BEAN1: variants seen among roughly 807,000 people sequenced by gnomAD.
BEAN1 encodes protein BEAN1.
A neutral mutation model predicts 17.7 loss-of-function variants in BEAN1; 17 were observed. The ratio of observed to expected loss-of-function variants is 0.96; its 90% CI spans 0.66 to 1.44. The LOEUF (loss-of-function observed/expected upper bound fraction) is 1.44, where lower values mean the gene tolerates loss of function less well. Among genes scored for constraint, BEAN1 ranks in the 40% most tolerant of loss-of-function variants. BEAN1 has a pLI of 0.00. For synonymous variants in BEAN1, 142 were observed against 151.8 expected (o/e 0.94, Z 0.47); for missense variants, 359 against 374.1 (o/e 0.96, Z 0.33).
intron 1 of BEAN1, among the ~76,000 whole-genome samples, chr16:66,436,815 A>G (rs1038568589): frequency 6.6e-6 from 1 of 152,180 alleles, no homozygotes; most frequent in African/African-American, 2.4e-5. Context: ...TCACTGCTCT[A>G]GACATCCACT....
intron 4 of BEAN1, among the ~76,000 whole-genome samples, chr16:66,492,187 G>A (rs1297003838): frequency 6.6e-6 from 1 of 151,852 alleles, no homozygotes; most frequent in African/African-American, 2.4e-5. Flanking sequence ...GATTACAGGT[G>A]TCCACCAACA....
chr16:66,450,704 G>A (rs1962640150), intron 2 of BEAN1, among the ~76,000 whole-genome samples: 1 of 152,072 alleles, frequency 6.6e-6, no homozygotes, highest in Non-Finnish European at 1.5e-5. Context: ...CAGCCTGGGT[G>A]ACAGAGCAAG....
intron 4 of BEAN1, among the ~76,000 whole-genome samples, chr16:66,488,134 T>A (rs576982012): frequency 1.9e-4 from 29 of 151,782 alleles, no homozygotes; most frequent in African/African-American, 6.5e-4. Flanking sequence ...GCATGACAGG[T>A]TCCCCATGAG....
chr16:66,493,136 G>T (rs865856531), exon 5 of BEAN1: 2 of 702,870 alleles, frequency 2.8e-6, no homozygotes, highest in African/African-American at 3.5e-5. Flanking sequence ...CCTGGTGAGG[G>T]TCTCATGTGA....
At position 66,471,098 on chromosome 16, in the gene BEAN1, T is replaced by A. The variant is rs1035839493; in HGVS notation, c.289+1233T>A. ...TTGGGGAAAAGAAAGATAGGAAAAA[T>A]TTTTAAAATAGATTGAATTGGATCC... On this transcript the variant is annotated intron_variant, in intron 3 of 4. Coordinates refer to ENST00000536005, the MANE Select transcript of BEAN1 (RefSeq NM_001178020.3). The surrounding 1 kb of genome is among the most constrained non-coding windows in gnomAD (Gnocchi z 4.7). Among the ~76,000 whole-genome samples the A allele has an allele frequency of 6.6e-6, 1 of 152,112 alleles. No individual in the cohort carries two copies. The highest frequency in any genetic ancestry group is 2.1e-4 in the South Asian group (1 of 4,828).
downstream of BEAN1, among the ~76,000 whole-genome samples, chr16:66,494,125 A>G (rs950673681): frequency 5.3e-5 from 8 of 152,228 alleles, no homozygotes; most frequent in African/African-American, 1.9e-4. Context: ...TCGCTAGTAC[A>G]GGGCAGGCAC....
At position 66,437,617 on chromosome 16, in the gene BEAN1, C is replaced by A. The variant is rs1030179985; in HGVS notation, c.-60C>A. 4 of 1,513,290 alleles carry A rather than the reference C, an allele frequency of 2.6e-6. No individual in the cohort carries two copies. Among genetic ancestry groups the A allele is most frequent in the Admixed American group, 2.0e-5 (1 of 50,766 alleles). The allele number at this position is 1,513,290 out of a possible 1,614,324, so 93.7% of individuals were successfully genotyped here. ...CAGGTGAGTGGAGGGGCCTTCCCTG[C>A]GAGAAGTCAGAGCTGTGCCCGTGGG... On this transcript the variant is annotated 5_prime_UTR_variant, in exon 2 of 5. Coordinates refer to ENST00000536005, the MANE Select transcript of BEAN1 (RefSeq NM_001178020.3).
chr16:66,487,813 C>T (rs1964109653), downstream of BEAN1, among the ~76,000 whole-genome samples: 1 of 152,188 alleles, frequency 6.6e-6, no homozygotes, highest in African/African-American at 2.4e-5. Flanking sequence ...GCCAAAGCAG[C>T]CCCTGCAGAT....
chr16:66,486,648 C>T (rs1393193140), downstream of BEAN1, among the ~76,000 whole-genome samples: 1 of 152,182 alleles, frequency 6.6e-6, no homozygotes, highest in Non-Finnish European at 1.5e-5. Context: ...GCCTGCCACT[C>T]TGTGGAGGGT....
intron 2 of BEAN1, among the ~76,000 whole-genome samples, chr16:66,448,883 G>A (rs1409898010): frequency 2.0e-5 from 3 of 152,050 alleles, no homozygotes; most frequent in East Asian, 1.9e-4. Context: ...GTGGCTCACT[G>A]CCTGTAATCC....
chr16:66,443,436 C>A (rs1315181237), intron 2 of BEAN1, among the ~76,000 whole-genome samples: 3 of 152,160 alleles, frequency 2.0e-5, no homozygotes. Context: ...GGGCTACGCC[C>A]CAAGTGAGTT....
At chr16:66,491,573 C>T (rs551044357) in intron 4 of BEAN1, among the ~76,000 whole-genome samples, 44 of 152,156 alleles carry the variant, frequency 2.9e-4, no homozygotes, top group Admixed American at 5.9e-4. Context: ...CTCCTAACCA[C>T]GAGACCAGCG....
chr16:66,443,589 C>T (rs1016040173), intron 2 of BEAN1, among the ~76,000 whole-genome samples: 1 of 152,218 alleles, frequency 6.6e-6, no homozygotes, highest in Admixed American at 6.5e-5. Context: ...AGCTGCCCCT[C>T]CTCACAGTTC....
intron 1 of BEAN1, among the ~76,000 whole-genome samples, chr16:66,429,392 C>G (rs1367072811): frequency 6.6e-6 from 1 of 152,104 alleles, no homozygotes; most frequent in African/African-American, 2.4e-5. Flanking sequence ...GACCTTAGAC[C>G]CAGAGCAGAG....
intron 2 of BEAN1, among the ~76,000 whole-genome samples, chr16:66,443,562 T>C (rs1370147972): frequency 1.3e-5 from 2 of 152,218 alleles, no homozygotes; most frequent in Non-Finnish European, 2.9e-5. Context: ...CAGGACTTCA[T>C]GGCCCCTGAA....
At chr16:66,477,767 C>G in intron 4 of BEAN1, 57 bp downstream of exon 4, 2 of 1,428,120 alleles carry the variant, frequency 1.4e-6, no homozygotes, top group South Asian at 2.9e-5. Context: ...GACACAAAGA[C>G]CCCCCAACTC....
intron 2 of BEAN1, among the ~76,000 whole-genome samples, chr16:66,448,999 G>C (rs908938971): frequency 5.3e-5 from 8 of 152,128 alleles, no homozygotes; most frequent in Non-Finnish European, 8.8e-5. Flanking sequence ...AACAGAGTGA[G>C]ACCCTGTCTC....
chr16:66,431,681 T>G (rs1961808671), intron 1 of BEAN1, among the ~76,000 whole-genome samples: 1 of 152,146 alleles, frequency 6.6e-6, no homozygotes, highest in Non-Finnish European at 1.5e-5. Flanking sequence ...TGTGTGTGTG[T>G]TTTAAAAAAT....
rs78858578 is a variant in BEAN1 at position 66,434,602 on chromosome 16, G to A, written c.-82-2993G>A. Among the ~76,000 whole-genome samples, 33 of 152,306 alleles carry A rather than the reference G, an allele frequency of 2.2e-4. No homozygotes were observed. The East Asian group carries it at 5.8e-3, about 27-fold the overall frequency. Reference sequence around the variant, plus strand: ...GTGCTTGGGAAATGAATCAATGGATGCAAGCCTGGGGTGCTAGGAGGTTGC... The same window carrying A: ...GTGCTTGGGAAATGAATCAATGGATACAAGCCTGGGGTGCTAGGAGGTTGC... On this transcript the variant is annotated intron_variant, in intron 1 of 4. Coordinates refer to ENST00000536005, the MANE Select transcript of BEAN1 (RefSeq NM_001178020.3). This position sits in a 1 kb window ranked among gnomAD's most constrained non-coding sequence, Gnocchi z 4.3.
Sources: allele counts gnomAD v4.1 joint callset (sites outside exome capture counted in the v4.1 genomes callset), GRCh38; gene constraint gnomAD v4.1.1; non-coding constraint Gnocchi (gnomAD v3.1); transcripts MANE v1.5; gene names NCBI Gene and HGNC (gene_info 2026-07-23, HGNC 2026-07-21).